The following SLC1A4 variants were observed in gnomAD, a reference collection of about 807,000 sequenced individuals.
SLC1A4 encodes the protein solute carrier family 1 member 4.
Under a neutral mutation model 37.7 loss-of-function variants are expected in SLC1A4, and 19 were observed. The ratio of observed to expected loss-of-function variants is 0.50; its 90% CI spans 0.35 to 0.74. SLC1A4 has a LOEUF of 0.74. Ranked by LOEUF, SLC1A4 falls within the 30% of genes least tolerant of loss-of-function variation. The pLI is 0.01. For missense variants in SLC1A4, 570 were observed against 712.9 expected (o/e 0.80, Z 2.28); for synonymous variants, 299 against 309.8 (o/e 0.97, Z 0.37).
chr2:65,007,714 T>G (rs11904597), intron 3 of SLC1A4, among the ~76,000 whole-genome samples: 6,275 of 152,292 alleles, frequency 0.041, 416 homozygotes, highest in African/African-American at 0.14. Context: ...AATTGAATAA[T>G]AAATGTGCAT....
chr2:64,990,267 T>G, intron 1 of SLC1A4, 97 bp downstream of exon 1: 1 of 1,168,224 alleles, frequency 8.6e-7, no homozygotes, highest in Non-Finnish European at 1.2e-6. Flanking sequence ...TCCTAAGAGT[T>G]AATTCTTAGC....
At position 65,001,475 on chromosome 2, in the gene SLC1A4, T is replaced by G. The variant is rs1200931419; in HGVS notation, c.555T>G (p.Val185=). Residue 185 remains valine (V), a synonymous_variant, in exon 2 of 8, where the codon GTT becomes GTG. Transcript: ENST00000234256. ...ACCTGTTTCCCTCCAATCTTGTGGT[T>G]GCAGCTTTCCGTACGGTAAGGCTTG... The part of the protein sequence containing the change: ...ARNLFPSNLV[V]AAFRTYATDY... 6.2e-7 allele frequency: 1 copy of G among 1,614,056 alleles called. No individual in the cohort carries two copies. The highest frequency in any genetic ancestry group is 8.5e-7 in the Non-Finnish European group (1 of 1,179,884).
chr2:65,008,682 G>T (rs538173812), intron 3 of SLC1A4, among the ~76,000 whole-genome samples: 1 of 152,208 alleles, frequency 6.6e-6, no homozygotes, highest in Non-Finnish European at 1.5e-5. Flanking sequence ...TATTGTCTAT[G>T]GAATTAAAAT....
intron 3 of SLC1A4, among the ~76,000 whole-genome samples, chr2:65,005,741 C>A (rs1558520199): frequency 6.6e-6 from 1 of 152,240 alleles, no homozygotes; most frequent in South Asian, 2.1e-4. Context: ...CGCCTATAAT[C>A]CAAGCACTTT....
chr2:65,005,930 G>C (rs542597508), intron 3 of SLC1A4, among the ~76,000 whole-genome samples: 1 of 152,138 alleles, frequency 6.6e-6, no homozygotes, highest in Admixed American at 6.5e-5. Context: ...TTGACCCTGG[G>C]AGGTCAATGC....
rs1674418437 is a variant in SLC1A4, at chr2:65,021,428, A to G, written c.*282A>G. 2.2e-6 allele frequency: 1 copy of G among 445,636 alleles called. No individual in the cohort carries two copies. The highest frequency in any genetic ancestry group is 2.0e-5 in the African/African-American group (1 of 50,732). The allele number at this position is 445,636 out of a possible 1,614,324, so 27.6% of individuals were successfully genotyped here. On this transcript the variant is annotated 3_prime_UTR_variant, in exon 8 of 8. Coordinates refer to ENST00000234256, the MANE Select transcript of SLC1A4 (RefSeq NM_003038.5). ...TTTGGAAACAACCCCTTGAGCTGCCAGGCTCAAGAAATCATGGACTCACAG... is the reference window on the plus strand; with the variant it reads ...TTTGGAAACAACCCCTTGAGCTGCCGGGCTCAAGAAATCATGGACTCACAG...
chr2:65,018,755 G>A lies in SLC1A4; in HGVS notation c.1364+76G>A, dbSNP rs115023726. 0.01 allele frequency: 15,885 copies of A among 1,542,108 alleles called. 96 individuals are homozygous for A. The highest frequency in any genetic ancestry group is 0.013 in the Non-Finnish European group (14,221 of 1,133,164). ...AGGAGCTTAGCACTGCTGGGCCTGG[G>A]CCATGCAGAGAAACTTCAGACACAC... On this transcript the variant is annotated intron_variant, in intron 7 of 7. Transcript: ENST00000234256. This position sits in a 1 kb window ranked among gnomAD's most constrained non-coding sequence, Gnocchi z 4.3.
intron 3 of SLC1A4, among the ~76,000 whole-genome samples, chr2:65,005,156 CT>C (rs1285394745): frequency 1.1e-4 from 17 of 152,152 alleles, no homozygotes; most frequent in African/African-American, 4.1e-4. Flanking sequence ...TTTTAAACAG[CT>C]TTTTCTCCCT....
In SLC1A4 at chr2:65,022,913, G is replaced by C. The variant is rs34497145; in HGVS notation, c.*1767G>C. 0.017 allele frequency: 2,590 copies of C among 152,328 alleles called. 32 individuals carry two copies. The highest frequency in any genetic ancestry group is 0.025 in the Non-Finnish European group (1,729 of 68,072). 9.4% of individuals were successfully genotyped at this position (152,328 alleles called of 1,614,324 possible). A position where few individuals can be genotyped will look rare whatever the true frequency, so the allele number is the denominator to read the frequency against. ...CAGACAGGGGCACACGCTTATGGAT[G>C]TGTGTACCATTGAGATGAGAATGGG... On this transcript the variant is annotated 3_prime_UTR_variant, in exon 8 of 8. Transcript: ENST00000234256.
rs558025650 is a variant in SLC1A4 at position 65,010,495 on chromosome 2, G to A, written c.634-102G>A. 1.8e-4 allele frequency: 171 copies of A among 950,014 alleles called. 2 individuals carry two copies. The highest frequency in any genetic ancestry group is 1.0e-4 in the Non-Finnish European group (66 of 657,954). The allele number at this position is 950,014 out of a possible 1,614,324, so 58.8% of individuals were successfully genotyped here. A position where few individuals can be genotyped will look rare whatever the true frequency, so the allele number is the denominator to read the frequency against. The stretch of plus-strand genomic sequence containing the variant: ...TTAAAGAAAATATGAGCTTTTTCTC[G>A]TTCTGGGTACAGTGTTTCAGTCTGG... On this transcript the variant is annotated intron_variant, in intron 3 of 7. Transcript: ENST00000234256.
chr2:65,011,092 G>C (rs1191780602), intron 4 of SLC1A4, among the ~76,000 whole-genome samples: 1 of 152,106 alleles, frequency 6.6e-6, no homozygotes, highest in African/African-American at 2.4e-5. Flanking sequence ...GTCATCTTGT[G>C]GGAAAGTGAA....
chr2:65,013,003 G>A (rs551446602), intron 4 of SLC1A4, among the ~76,000 whole-genome samples: 91 of 152,340 alleles, frequency 6.0e-4, no homozygotes, highest in African/African-American at 2.1e-3. Flanking sequence ...TTGGCTCACA[G>A]TTCTACAGGC....
intron 3 of SLC1A4, among the ~76,000 whole-genome samples, chr2:65,009,931 G>A (rs112645792): frequency 0.02 from 3,056 of 151,102 alleles, 40 homozygotes; most frequent in Non-Finnish European, 0.031. Flanking sequence ...TTATCTGAAG[G>A]AAATTTTTTT....
At chr2:64,994,855 AT>A (rs1673192509) in intron 1 of SLC1A4, 1 of 152,204 alleles carries the variant, frequency 6.6e-6, no homozygotes, top group Non-Finnish European at 1.5e-5. Flanking sequence ...AGCGTTCCAT[AT>A]TTTTTAAATT....
chr2:64,993,157 A>C (rs1673126671), intron 1 of SLC1A4, among the ~76,000 whole-genome samples: 1 of 152,204 alleles, frequency 6.6e-6, no homozygotes, highest in Non-Finnish European at 1.5e-5. Flanking sequence ...GTAGCTGCTC[A>C]GAACTTAAAC....
chr2:65,014,572 C>A (rs551327820), intron 4 of SLC1A4, among the ~76,000 whole-genome samples: 23 of 152,310 alleles, frequency 1.5e-4, no homozygotes, highest in African/African-American at 5.5e-4. Flanking sequence ...TTATGACAAC[C>A]AAACTGTCTT....
intron 4 of SLC1A4, among the ~76,000 whole-genome samples, chr2:65,012,593 C>T (rs1417414649): frequency 6.6e-6 from 1 of 152,190 alleles, no homozygotes; most frequent in Non-Finnish European, 1.5e-5. Flanking sequence ...ATTCCAGAGC[C>T]TGACTCTATC....
upstream of SLC1A4, among the ~76,000 whole-genome samples, chr2:64,988,900 G>A (rs1402862454): frequency 6.6e-6 from 1 of 152,040 alleles, no homozygotes; most frequent in Non-Finnish European, 1.5e-5. Flanking sequence ...CGCCACCCGG[G>A]AGAGAGGGAT....
intron 1 of SLC1A4, among the ~76,000 whole-genome samples, chr2:64,990,457 G>A (rs372801796): frequency 1.3e-5 from 2 of 152,134 alleles, no homozygotes; most frequent in Non-Finnish European, 1.5e-5. Flanking sequence ...AGAGCCAGCC[G>A]CCCCGCCTGT....
Sources: allele counts gnomAD v4.1 joint callset (sites outside exome capture counted in the v4.1 genomes callset), GRCh38; gene constraint gnomAD v4.1.1; non-coding constraint Gnocchi (gnomAD v3.1); transcripts MANE v1.5; gene names NCBI Gene and HGNC (gene_info 2026-07-23, HGNC 2026-07-21).